GDAP1: variants seen among roughly 807,000 people sequenced by gnomAD.
The protein encoded by GDAP1 is ganglioside induced differentiation associated protein 1.
In GDAP1, 34 loss-of-function variants were observed where a neutral mutation model predicts 40.1. The observed-to-expected ratio is 0.85, with a 90% CI of 0.64 to 1.13. GDAP1 has a LOEUF of 1.13. Ranked by LOEUF, GDAP1 falls within the 50% of genes most tolerant of loss-of-function variation. The pLI is 0.00. For synonymous variants in GDAP1, 170 were observed against 157.4 expected (o/e 1.08, Z -0.60); for missense variants, 374 against 433.7 (o/e 0.86, Z 1.22).
chr8:74,381,130 C>T (rs1028847068), intron 2 of GDAP1, among the ~76,000 whole-genome samples: 2 of 151,878 alleles, frequency 1.3e-5, no homozygotes, highest in African/African-American at 4.8e-5. Context: ...TGAGTGTATT[C>T]ATAGTCAAAA....
chr8:74,399,986 G>A (rs1810294043), intron 2 of GDAP1, among the ~76,000 whole-genome samples: 3 of 142,374 alleles, frequency 2.1e-5, no homozygotes, highest in Admixed American at 1.4e-4. Flanking sequence ...GGTCAATTTT[G>A]GAATAGGTGT....
At chr8:74,419,118 G>A (rs969589489) in intron 2 of GDAP1, among the ~76,000 whole-genome samples, 2 of 152,026 alleles carry the variant, frequency 1.3e-5, no homozygotes, top group African/African-American at 2.4e-5. Flanking sequence ...AACATTCTTC[G>A]GCAGTTTCTT....
rs1805615189 is a variant in GDAP1 at position 74,404,671 on chromosome 8, T to C, written c.165+53350T>C. 2.0e-5 allele frequency among the ~76,000 whole-genome samples: 3 copies of C among 149,772 alleles called. No homozygotes were observed. In the South Asian group the frequency reaches 6.2e-4, roughly 31 times the overall value. On this transcript the variant is annotated intron_variant, in intron 2 of 2. Coordinates refer to the GDAP1 transcript ENST00000523640. ...TCTGTTCCTTACAAGTCCATGCTTATTGATATTGTCAGCTGATCTTTAGGG... is the reference window on the plus strand; with the variant it reads ...TCTGTTCCTTACAAGTCCATGCTTACTGATATTGTCAGCTGATCTTTAGGG...
chr8:74,426,138 T>G (rs1322231062), intron 2 of GDAP1, among the ~76,000 whole-genome samples: 1 of 152,238 alleles, frequency 6.6e-6, no homozygotes. Flanking sequence ...TACATATTTT[T>G]TAAACTTTCA....
At chr8:74,454,930 T>G (rs1428954776) in intron 2 of GDAP1, among the ~76,000 whole-genome samples, 1 of 152,038 alleles carries the variant, frequency 6.6e-6, no homozygotes, top group African/African-American at 2.4e-5. Context: ...CAGTGTTTTG[T>G]TCTTAAGATT....
chr8:74,363,047 A>G lies in GDAP1; in HGVS notation c.688A>G (p.Thr230Ala). 7.3e-7 allele frequency: 1 copy of G among 1,374,104 alleles called. No individual in the cohort carries two copies. The highest frequency in any genetic ancestry group is 1.0e-6 in the Non-Finnish European group (1 of 961,368). The allele number at this position is 1,374,104 out of a possible 1,614,324, so 85.1% of individuals were successfully genotyped here. The change falls in exon 5 of 6, where the codon ACC becomes GCC. Residue 230 changes from threonine to alanine, a missense_variant. Transcript: ENST00000220822. Reference sequence around the variant, plus strand: ...TGAATTGCAAAGAAGAAATGAAGAAACCCCAGGTAGGTTCTCATTTATATT... The same window carrying G: ...TGAATTGCAAAGAAGAAATGAAGAAGCCCCAGGTAGGTTCTCATTTATATT... ...ETELQRRNEE[T>A]PEEGQQPWLC...
chr8:74,432,067 A>G (rs889562408), intron 2 of GDAP1, among the ~76,000 whole-genome samples: 1 of 152,108 alleles, frequency 6.6e-6, no homozygotes, highest in African/African-American at 2.4e-5. Context: ...TTTTCTCTAA[A>G]CTTTAATATA....
At chr8:74,386,062 TAA>T (rs1471587292) in intron 2 of GDAP1, among the ~76,000 whole-genome samples, 1 of 152,212 alleles carries the variant, frequency 6.6e-6, no homozygotes, top group African/African-American at 2.4e-5. Flanking sequence ...TAAATTTGTT[TAA>T]GTTTCTTATA....
rs553888804 is a variant in GDAP1, at chr8:74,430,755, T to G, written c.166-57923T>G. On this transcript the variant is annotated intron_variant, in intron 2 of 2. Coordinates refer to the GDAP1 transcript ENST00000523640. ...ATTTTTACAAATCTTGTGTGTTCAG[T>G]TAGGAGCACACCTTCACAGAGAGGA... 9.3e-4 allele frequency among the ~76,000 whole-genome samples: 141 copies of G among 151,920 alleles called. 1 individual carries two copies. Among genetic ancestry groups the G allele is most frequent in the Non-Finnish European group, 1.3e-3 (91 of 67,900 alleles).
chr8:74,472,931 G>A (rs34091884), intron 2 of GDAP1, among the ~76,000 whole-genome samples: 8,765 of 151,582 alleles, frequency 0.058, 390 homozygotes, highest in African/African-American at 0.12. Flanking sequence ...TATTTTTTTT[G>A]TAGAGATGGG....
chr8:74,380,256 AC>A (rs1042720152), intron 2 of GDAP1, among the ~76,000 whole-genome samples: 103 of 152,340 alleles, frequency 6.8e-4, no homozygotes, highest in African/African-American at 2.0e-3. Flanking sequence ...TGTGAGATTC[AC>A]GGTATAAAAA....
chr8:74,457,131 C>G (rs1049938517), intron 2 of GDAP1, among the ~76,000 whole-genome samples: 1 of 151,940 alleles, frequency 6.6e-6, no homozygotes, highest in East Asian at 1.9e-4. Context: ...ATTCAAGACC[C>G]CTTTTTGGCT....
At chr8:74,419,818 T>G (rs1218207335) in intron 2 of GDAP1, among the ~76,000 whole-genome samples, 1 of 152,222 alleles carries the variant, frequency 6.6e-6, no homozygotes, top group Non-Finnish European at 1.5e-5. Flanking sequence ...TGATCTATTT[T>G]CAGCTAATTT....
intron 2 of GDAP1, among the ~76,000 whole-genome samples, chr8:74,437,240 A>T (rs1349939515): frequency 6.6e-6 from 1 of 152,248 alleles, no homozygotes; most frequent in East Asian, 1.9e-4. Flanking sequence ...CTGAGATCTT[A>T]GAGATTACCT....
chr8:74,443,912 C>T (rs748636625), intron 2 of GDAP1, among the ~76,000 whole-genome samples: 8 of 151,994 alleles, frequency 5.3e-5, no homozygotes, highest in Non-Finnish European at 1.0e-4. Context: ...TTTTTCTTTC[C>T]TGGCCTTGCA....
chr8:74,469,585 G>A (rs1052553375), intron 2 of GDAP1, among the ~76,000 whole-genome samples: 2 of 149,916 alleles, frequency 1.3e-5, no homozygotes, highest in East Asian at 4.0e-4. Context: ...GGAGAATGGC[G>A]TGAACCCCGG....
At chr8:74,361,492 G>A (rs1345803991) in intron 3 of GDAP1, among the ~76,000 whole-genome samples, 1 of 151,968 alleles carries the variant, frequency 6.6e-6, no homozygotes, top group African/African-American at 2.4e-5. Context: ...TGCTTCCTGA[G>A]TTCAAGTGAT....
intron 2 of GDAP1, among the ~76,000 whole-genome samples, chr8:74,388,522 T>A (rs1252295924): frequency 6.6e-6 from 1 of 152,192 alleles, no homozygotes; most frequent in East Asian, 1.9e-4. Context: ...AGTTCCAGTT[T>A]GATTGCACTG....
downstream of GDAP1, among the ~76,000 whole-genome samples, chr8:74,370,016 T>A (rs1269593271): frequency 6.6e-6 from 1 of 152,166 alleles, no homozygotes; most frequent in Non-Finnish European, 1.5e-5. Flanking sequence ...CTTTATTTCA[T>A]ATAAATTGAA....
Sources: gnomAD v4.1 joint callset for allele counts (sites outside exome capture counted in the v4.1 genomes callset) on GRCh38, gnomAD v4.1.1 for gene constraint, MANE v1.5 for transcripts, NCBI Gene and HGNC (gene_info 2026-07-23, HGNC 2026-07-21) for gene names.